ACTN2: variants seen among roughly 807,000 people sequenced by gnomAD.
The protein encoded by ACTN2 is actinin alpha 2.
ACTN2 carries 39 observed loss-of-function variants against 113.8 expected under a neutral mutation model. The observed-to-expected ratio is 0.34, with a 90% CI of 0.27 to 0.45. ACTN2 has a LOEUF of 0.45. Among genes scored for constraint, ACTN2 ranks in the 20% least tolerant of loss-of-function variants. The pLI is 1.00. For synonymous variants in ACTN2, 429 were observed against 444.1 expected, an observed-to-expected ratio of 0.97 and a Z score of 0.43; for missense variants, 992 against 1,177.9, an observed-to-expected ratio of 0.84 and a Z score of 2.31.
intron 3 of ACTN2, 134 bp downstream of exon 3, chr1:236,719,147 G>A: frequency 7.9e-7 from 1 of 1,260,396 alleles, no homozygotes; most frequent in Non-Finnish European, 1.1e-6. Flanking sequence ...CTCTCTCTTA[G>A]GGCGCTCGGT....
intron 10 of ACTN2, among the ~76,000 whole-genome samples, chr1:236,741,063 A>G (rs1441371059): frequency 6.6e-6 from 1 of 151,380 alleles, no homozygotes; most frequent in Non-Finnish European, 1.5e-5. Flanking sequence ...CTTTTTTTTA[A>G]AAACATGGTC....
intron 1 of ACTN2, among the ~76,000 whole-genome samples, chr1:236,716,332 C>A (rs1487697824): frequency 6.6e-6 from 1 of 152,148 alleles, no homozygotes; most frequent in East Asian, 1.9e-4. Flanking sequence ...ATGTGCCAGG[C>A]ACTTTGTTCT....
intron 7 of ACTN2, among the ~76,000 whole-genome samples, chr1:236,731,792 C>T (rs1194905356): frequency 6.6e-6 from 1 of 152,168 alleles, no homozygotes. Context: ...GTGTACCATC[C>T]AAACTTTCAC....
intron 1 of ACTN2, among the ~76,000 whole-genome samples, chr1:236,716,654 T>C (rs1368077951): frequency 6.6e-6 from 1 of 152,004 alleles, no homozygotes; most frequent in African/African-American, 2.4e-5. Flanking sequence ...AGGTTATTGT[T>C]ATTATTTTTT....
At chr1:236,702,878 A>G (rs1465747198) in intron 1 of ACTN2, among the ~76,000 whole-genome samples, 1 of 152,350 alleles carries the variant, frequency 6.6e-6, no homozygotes. Context: ...TTCATTCTAA[A>G]TGAATGCTTG....
In ACTN2 at chr1:236,755,154, G is replaced by C; in HGVS notation, c.2110G>C (p.Glu704Gln). The C allele has an allele frequency of 6.2e-7, 1 of 1,614,150 alleles. No homozygotes were observed. The highest frequency in any genetic ancestry group is 1.1e-5 in the South Asian group (1 of 91,080). The change falls in exon 17 of 21, where the codon GAG becomes CAG. Residue 704 changes from glutamate (E) to glutamine (Q), a missense_variant. Glu to Gln is a conservative substitution (Grantham distance 29). Coordinates refer to ENST00000366578, the MANE Select transcript of ACTN2 (RefSeq NM_001103.4). ...GGAGGGAGACCATCAGCTCATCCAG[G>C]AGGCCCTTGTCTTTGACAACAAGCA... ...KLEGDHQLIQEALVFDNKHTN... is the reference protein window; with the variant it reads ...KLEGDHQLIQQALVFDNKHTN...
intron 1 of ACTN2, among the ~76,000 whole-genome samples, chr1:236,709,326 A>G (rs1030466572): frequency 2.1e-5 from 3 of 139,638 alleles, no homozygotes; most frequent in African/African-American, 8.3e-5. Context: ...GTATATATAT[A>G]CATGTATATA....
At chr1:236,686,824 C>T (rs1230212365) in intron 1 of ACTN2, 25 bp downstream of exon 1, 2 of 1,454,900 alleles carry the variant, frequency 1.4e-6, no homozygotes, top group South Asian at 1.5e-5. Flanking sequence ...GCGGGCCGCC[C>T]GCGCGTGGTG....
intron 4 of ACTN2, among the ~76,000 whole-genome samples, chr1:236,725,519 C>A (rs563846785): frequency 6.6e-6 from 1 of 151,724 alleles, no homozygotes; most frequent in Admixed American, 6.6e-5. Flanking sequence ...CCCAGCTACT[C>A]GGGAGGCTGA....
chr1:236,726,082 C>T lies in ACTN2; in HGVS notation c.536+62C>T, dbSNP rs1427484818. 2.7e-6 allele frequency: 4 copies of T among 1,459,304 alleles called. No homozygotes were observed. In the African/African-American group the frequency reaches 5.6e-5, roughly 20 times the overall value. The allele number at this position is 1,459,304 out of a possible 1,614,324, so 90.4% of individuals were successfully genotyped here. ...TGGAATCTGTGGGTAGCATGGGGAA[C>T]AGTGTTTGTGTGCACCCGTGTTTTC... On this transcript the variant is annotated intron_variant, in intron 5 of 20. Coordinates refer to ENST00000366578, the MANE Select transcript of ACTN2 (RefSeq NM_001103.4).
chr1:236,762,389 TGTAA>T, intron 20 of ACTN2, 68 bp from the exon 21 acceptor site: 1 of 1,578,086 alleles, frequency 6.3e-7, no homozygotes, highest in South Asian at 1.1e-5. Flanking sequence ...GCAAGAAATA[TGTAA>T]GTATTAAGAC....
intron 1 of ACTN2, among the ~76,000 whole-genome samples, chr1:236,690,431 A>T (rs1666040028): frequency 1.3e-5 from 2 of 152,182 alleles, no homozygotes; most frequent in Non-Finnish European, 2.9e-5. Flanking sequence ...TCTCAGATTC[A>T]TGAGACCCAG....
chr1:236,757,442 G>C, intron 17 of ACTN2, 44 bp from the exon 18 acceptor site: 1 of 1,613,224 alleles, frequency 6.2e-7, no homozygotes, highest in East Asian at 2.2e-5. Context: ...GAGTTGACAT[G>C]CTGGAGAGAC....
chr1:236,711,246 G>C (rs1446337924), intron 1 of ACTN2, among the ~76,000 whole-genome samples: 1 of 152,254 alleles, frequency 6.6e-6, no homozygotes, highest in Non-Finnish European at 1.5e-5. Context: ...TACATAGTGA[G>C]ACTGTCTTCC....
intron 1 of ACTN2, among the ~76,000 whole-genome samples, chr1:236,709,220 GTATATA>G (rs758619189): frequency 0.046 from 3,096 of 66,722 alleles, 137 homozygotes; most frequent in African/African-American, 0.11. Context: ...ACAAATGACT[GTATATA>G]TATATATATA....
chr1:236,759,184 C>T (rs1434323572), intron 18 of ACTN2, among the ~76,000 whole-genome samples: 5 of 152,158 alleles, frequency 3.3e-5, no homozygotes, highest in Admixed American at 2.6e-4. Flanking sequence ...TGTGATTTGA[C>T]GTATCTGCAT....
In ACTN2 at chr1:236,763,567, C is replaced by T. The variant is rs1455955342; in HGVS notation, c.*948C>T. 6.6e-6 allele frequency: 1 copy of T among 152,208 alleles called. No individual in the cohort carries two copies. The highest frequency in any genetic ancestry group is 1.5e-5 in the Non-Finnish European group (1 of 68,036). The allele number at this position is 152,208 out of a possible 1,614,324, so 9.4% of individuals were successfully genotyped here. ...GCTCTCCAGTCAGGACTTCCTTATG[C>T]CTCTAGTTTTATGACCGGTTAAGGA... On this transcript the variant is annotated 3_prime_UTR_variant, in exon 21 of 21. Transcript: ENST00000366578.
rs1244539179 is a variant in ACTN2 at position 236,737,130 on chromosome 1, A to G, written c.792A>G (p.Thr264=). Residue 264 remains threonine, a synonymous_variant, in exon 9 of 21, where the codon ACA becomes ACG. Coordinates refer to ENST00000366578, the MANE Select transcript of ACTN2 (RefSeq NM_001103.4). The part of the protein sequence containing the change: ...HAFAGAEQAE[T]AANRICKVLA... ...CCTATTGTGTTTTACAGGCCGAGAC[A>G]GCGGCTAACAGGATATGTAAGGTTC... The G allele has an allele frequency of 6.2e-7, 1 of 1,600,920 alleles. No individual in the cohort carries two copies. The highest frequency in any genetic ancestry group is 2.3e-5 in the East Asian group (1 of 44,376).
In ACTN2 at chr1:236,737,299, A is replaced by T. The variant is rs547374091; in HGVS notation, c.876+85A>T. The T allele has an allele frequency of 0.023, 3,380 of 146,652 alleles. 328 individuals carry two copies. Among genetic ancestry groups the T allele is most frequent in the African/African-American group, 0.098 (3,048 of 30,976 alleles). 9.1% of individuals were successfully genotyped at this position (146,652 alleles called of 1,614,324 possible). On this transcript the variant is annotated intron_variant, in intron 9 of 20. Coordinates refer to ENST00000366578, the MANE Select transcript of ACTN2 (RefSeq NM_001103.4). ...GGGTGAAAAAATACTCCGTGGGGGC[A>T]TATATATATATATATATATTTTGCA...
Sources: gnomAD v4.1 joint callset for allele counts (sites outside exome capture counted in the v4.1 genomes callset) on GRCh38, gnomAD v4.1.1 for gene constraint, MANE v1.5 for transcripts, NCBI Gene and HGNC (gene_info 2026-07-23, HGNC 2026-07-21) for gene names.